ELP2: variants seen among roughly 807,000 people sequenced by gnomAD.
The protein encoded by ELP2 is elongator complex protein 2.
In ELP2, 90 loss-of-function variants were observed where a neutral mutation model predicts 119.2. The ratio of observed to expected loss-of-function variants is 0.75; its 90% CI spans 0.64 to 0.90. The LOEUF (loss-of-function observed/expected upper bound fraction) is 0.90. ELP2 is among the 40% of genes least tolerant of loss of function. ELP2 has a pLI of 0.00. For missense variants in ELP2, 921 were observed against 967.8 expected (o/e 0.95, Z 0.64); for synonymous variants, 339 against 331.0 (o/e 1.02, Z -0.26).
intron 13 of ELP2, 32 bp downstream of exon 13, chr18:36,156,686 C>A (rs1225035006): frequency 1.3e-6 from 2 of 1,583,376 alleles, no homozygotes; most frequent in African/African-American, 1.3e-5. Context: ...TTACCTAAAT[C>A]TAGTCACTTC....
At chr18:36,143,547 C>A (rs2090107568) in intron 8 of ELP2, among the ~76,000 whole-genome samples, 1 of 151,264 alleles carries the variant, frequency 6.6e-6, no homozygotes, top group South Asian at 2.1e-4. Flanking sequence ...AGGACTACGC[C>A]ATCACACCCA....
intron 14 of ELP2, 96 bp downstream of exon 14, chr18:36,159,000 A>AT (rs963752016): frequency 1.2e-3 from 943 of 800,666 alleles, no homozygotes; most frequent in Middle Eastern, 1.4e-3. Context: ...GTTACAGCTG[A>AT]TTTTTTTTTT....
rs760642062 is a variant in ELP2 at position 36,164,677 on chromosome 18, C to T, written c.1954+10C>T. 3 of 1,613,314 alleles carry T rather than the reference C, an allele frequency of 1.9e-6. No individual in the cohort carries two copies. Among genetic ancestry groups the T allele is most frequent in the Non-Finnish European group, 2.5e-6 (3 of 1,179,378 alleles). On this transcript the variant is annotated intron_variant, in intron 18 of 21. Coordinates refer to ENST00000358232, the MANE Select transcript of ELP2 (RefSeq NM_018255.4). ...ATCTCACCTGAGTTCGGTAAAACAGCTTCTGATTGGGAAAGTTATTAGTGA... is the reference window on the plus strand; with the variant it reads ...ATCTCACCTGAGTTCGGTAAAACAGTTTCTGATTGGGAAAGTTATTAGTGA...
intron 7 of ELP2, 94 bp from the exon 8 acceptor site, chr18:36,142,732 A>T (rs1226373866): frequency 1.2e-6 from 1 of 826,792 alleles, no homozygotes; most frequent in African/African-American, 1.8e-5. Flanking sequence ...TTTTCTGGAA[A>T]ATCTGGAAAT....
chr18:36,130,794 G>GT (rs2089586630), intron 1 of ELP2, among the ~76,000 whole-genome samples: 2 of 152,196 alleles, frequency 1.3e-5, no homozygotes, highest in South Asian at 4.1e-4. Flanking sequence ...AGTGTAAAAA[G>GT]TAAAATGTTG....
chr18:36,136,060 A>G (rs906936607), intron 2 of ELP2, among the ~76,000 whole-genome samples: 11 of 152,132 alleles, frequency 7.2e-5, no homozygotes, highest in Non-Finnish European at 1.5e-4. Context: ...TCCTTAGGAG[A>G]TATATGGTCT....
At chr18:36,161,154 T>C in intron 17 of ELP2, 150 bp downstream of exon 17, 1 of 677,548 alleles carries the variant, frequency 1.5e-6, no homozygotes, top group Non-Finnish European at 2.7e-6. Flanking sequence ...TCTCTTACCC[T>C]TCTGTCTCTT....
At chr18:36,147,833 G>A (rs944430811) in intron 11 of ELP2, among the ~76,000 whole-genome samples, 21 of 150,756 alleles carry the variant, frequency 1.4e-4, no homozygotes, top group Admixed American at 3.3e-4. Context: ...TATTATTATT[G>A]TTGTGTTTTT....
At position 36,178,073 on chromosome 18, in the gene ELP2, A is replaced by T. The variant is rs190790723; in HGVS notation, c.*3432A>T. On this transcript the variant is annotated 3_prime_UTR_variant, in exon 22 of 22. Coordinates refer to ENST00000358232, the MANE Select transcript of ELP2 (RefSeq NM_018255.4). Reference sequence around the variant, plus strand: ...CAAAGCTGTTGCTGCTAGTGGGAACAGCCCTGATGTCCATGTAACAAGCTG... The same window carrying T: ...CAAAGCTGTTGCTGCTAGTGGGAACTGCCCTGATGTCCATGTAACAAGCTG... 1.5e-4 allele frequency: 23 copies of T among 152,348 alleles called. No individual in the cohort carries two copies. The highest frequency in any genetic ancestry group is 4.6e-4 in the Admixed American group (7 of 15,306). The allele number at this position is 152,348 out of a possible 1,614,324, so 9.4% of individuals were successfully genotyped here. A position where few individuals can be genotyped will look rare whatever the true frequency, so the allele number is the denominator to read the frequency against.
At chr18:36,157,298 A>G (rs958629744) in intron 13 of ELP2, among the ~76,000 whole-genome samples, 10 of 152,210 alleles carry the variant, frequency 6.6e-5, no homozygotes, top group Admixed American at 5.2e-4. Flanking sequence ...AGAAGTGCAT[A>G]TTATACAGTC....
intron 4 of ELP2, 121 bp downstream of exon 4, chr18:36,138,547 C>A: frequency 8.5e-7 from 1 of 1,172,386 alleles, no homozygotes; most frequent in Non-Finnish European, 1.2e-6. Flanking sequence ...TACTATAATT[C>A]TAATCTAAAT....
At position 36,136,566 on chromosome 18, in the gene ELP2, G is replaced by T. The variant is rs1477267218; in HGVS notation, c.288+189G>T. On this transcript the variant is annotated intron_variant, in intron 3 of 21. Coordinates refer to ENST00000358232, the MANE Select transcript of ELP2 (RefSeq NM_018255.4). ...CTGATTTCTGTTTGTTTGTTTGTTT[G>T]TTTTTGTAGAGATGGGGTCTTACTT... The T allele has an allele frequency of 1.2e-5, 7 of 599,904 alleles. No individual in the cohort carries two copies. In the East Asian group the frequency reaches 1.7e-4, roughly 15 times the overall value. The allele number at this position is 599,904 out of a possible 1,614,324, so 37.2% of individuals were successfully genotyped here.
At position 36,138,272 on chromosome 18, in the gene ELP2, T is replaced by G. The variant is rs377022607; in HGVS notation, c.291T>G (p.Leu97=). 30 of 1,614,116 alleles carry G rather than the reference T, an allele frequency of 1.9e-5. No individual in the cohort carries two copies. Among genetic ancestry groups the G allele is most frequent in the South Asian group, 1.5e-4 (14 of 91,078 alleles). ...VIHWEIEDNQ[L]LKAVHLQGHE... ...TTCTGTCATTCTTTCTGATTCAGCT[T>G]TTAAAAGCAGTGCATCTTCAAGGCC... The change falls in exon 4 of 22, where the codon CTT becomes CTG. Residue 97 remains leucine (L), a splice_region_variant and synonymous_variant. Transcript: ENST00000358232.
rs756825527 is a variant in ELP2 at position 36,170,200 on chromosome 18, A to T, written c.2210+4A>T. 6.2e-7 allele frequency: 1 copy of T among 1,614,128 alleles called. No individual in the cohort carries two copies. The highest frequency in any genetic ancestry group is 8.5e-7 in the Non-Finnish European group (1 of 1,180,026). On this transcript the variant is annotated splice_donor_region_variant and intron_variant, in intron 20 of 21. Coordinates refer to ENST00000358232, the MANE Select transcript of ELP2 (RefSeq NM_018255.4). ...CAGTGCTCCACCCTTCTCAACGGTC[A>T]GTCTCTGTGTGGGGCTTAGTTTTAA...
rs1411329165 is a variant in ELP2, at chr18:36,158,880, T to C, written c.1510T>C (p.Leu504=). The C allele has an allele frequency of 1.2e-6, 2 of 1,611,936 alleles. No homozygotes were observed. Among genetic ancestry groups the C allele is most frequent in the Non-Finnish European group, 1.7e-6 (2 of 1,178,064 alleles). Residue 504 remains leucine, a synonymous_variant, in exon 14 of 22, where the codon TTA becomes CTA. Transcript: ENST00000358232. The part of the protein sequence containing the change: ...PEGATVPALG[L]SNKAVFQGDI... ...AGGAGCCACTGTCCCTGCATTGGGA[T>C]TATCAAATAAAGCTGTCTTTCAGGG... is the stretch of plus-strand genomic sequence containing the variant.
chr18:36,163,042 T>C (rs2090786950), intron 17 of ELP2, among the ~76,000 whole-genome samples: 1 of 152,132 alleles, frequency 6.6e-6, no homozygotes, highest in African/African-American at 2.4e-5. Flanking sequence ...ACCTTGAGTA[T>C]TTCATTCCTC....
At position 36,140,798 on chromosome 18, in the gene ELP2, C is replaced by A. The variant is rs139641314; in HGVS notation, c.524-339C>A. Reference sequence around the variant, plus strand: ...GCTGTTCATTATTTAGTTGTCTTAACAACTTTTCATCTTGGTCTTTGGGCT... The same window carrying A: ...GCTGTTCATTATTTAGTTGTCTTAAAAACTTTTCATCTTGGTCTTTGGGCT... On this transcript the variant is annotated intron_variant, in intron 5 of 21. Transcript: ENST00000358232. Among the ~76,000 whole-genome samples, 66 of 152,294 alleles carry A rather than the reference C, an allele frequency of 4.3e-4. No individual in the cohort carries two copies. In the East Asian group the frequency reaches 0.012, roughly 28 times the overall value.
At chr18:36,148,900 C>G (rs912590112) in intron 11 of ELP2, among the ~76,000 whole-genome samples, 1 of 152,206 alleles carries the variant, frequency 6.6e-6, no homozygotes, top group Non-Finnish European at 1.5e-5. Flanking sequence ...TATGCACACA[C>G]AGTCAATAAT....
Position 36,153,492 on chromosome 18 carries a change from C to T in ELP2, c.1126-1358C>T, listed in dbSNP as rs150430407. Among the ~76,000 whole-genome samples the T allele has an allele frequency of 1.2e-4, 18 of 152,182 alleles. No homozygotes were observed. In the East Asian group the frequency reaches 2.5e-3, roughly 21 times the overall value. On this transcript the variant is annotated intron_variant, in intron 11 of 21. Transcript: ENST00000358232. The stretch of plus-strand genomic sequence containing the variant: ...AGCAAATGTGTGGGGGTTTCTTCCC[C>T]GACACCAAGCAGCAGACACCAGCTG...
Sources: allele counts gnomAD v4.1 joint callset (sites outside exome capture counted in the v4.1 genomes callset), GRCh38; gene constraint gnomAD v4.1.1; transcripts MANE v1.5; gene names NCBI Gene and HGNC (gene_info 2026-07-23, HGNC 2026-07-21).